The following CCDC171 variants were observed in gnomAD, a reference collection of about 807,000 sequenced individuals.
CCDC171 encodes coiled-coil domain-containing protein 171.
A neutral mutation model predicts 168.2 loss-of-function variants in CCDC171; 177 were observed. The observed-to-expected ratio is 1.05, with a 90% CI of 0.93 to 1.19. CCDC171 has a LOEUF of 1.19. CCDC171 is among the 50% of genes most tolerant of loss of function. The pLI is 0.00. For synonymous variants in CCDC171, 687 were observed against 540.8 expected, an observed-to-expected ratio of 1.27 and a Z score of -3.75; for missense variants, 1,991 against 1,539.0, an observed-to-expected ratio of 1.29 and a Z score of -4.91.
chr9:15,970,964 A>G (rs992674362), intron 25 of CCDC171, among the ~76,000 whole-genome samples: 3 of 152,174 alleles, frequency 2.0e-5, no homozygotes, highest in Admixed American at 6.6e-5. Context: ...ATCAAGAATT[A>G]CCCATGTAAC....
downstream of CCDC171, among the ~76,000 whole-genome samples, chr9:15,975,072 G>A (rs1000402080): frequency 4.6e-5 from 7 of 152,050 alleles, no homozygotes; most frequent in Admixed American, 3.3e-4. Context: ...CCCTCACTGT[G>A]CACTTTTTAT....
chr9:15,728,910 T>C (rs2053985761), intron 15 of CCDC171, among the ~76,000 whole-genome samples: 1 of 152,140 alleles, frequency 6.6e-6, no homozygotes, highest in African/African-American at 2.4e-5. Context: ...CAGGGTGATA[T>C]TTTTTATTAT....
In CCDC171 at chr9:15,594,014, G is replaced by A. The variant is rs183059289; in HGVS notation, c.544-27G>A. On this transcript the variant is annotated intron_variant, in intron 5 of 25. Transcript: ENST00000380701. ...GAAGATAACTTTTATTGATCTAACA[G>A]TAAAGCAAGATTTTATTTATATAAA... 3.0e-4 allele frequency: 462 copies of A among 1,531,370 alleles called. 1 individual carries two copies. The highest frequency in any genetic ancestry group is 5.5e-5 in the Non-Finnish European group (62 of 1,124,004). 94.9% of individuals were successfully genotyped at this position (1,531,370 alleles called of 1,614,324 possible).
At chr9:15,586,348 G>A (rs1188872764) in intron 4 of CCDC171, among the ~76,000 whole-genome samples, 1 of 152,146 alleles carries the variant, frequency 6.6e-6, no homozygotes, top group East Asian at 1.9e-4. Context: ...AGTGTAAAAA[G>A]CCTAATGCAG....
intron 3 of CCDC171, among the ~76,000 whole-genome samples, chr9:15,577,145 C>T (rs1377688459): frequency 1.3e-5 from 2 of 152,196 alleles, no homozygotes; most frequent in East Asian, 1.9e-4. Context: ...TGTAATTTTG[C>T]ATTTCCCATA....
At chr9:15,790,326 T>G (rs1195698729) in intron 21 of CCDC171, among the ~76,000 whole-genome samples, 1 of 152,242 alleles carries the variant, frequency 6.6e-6, no homozygotes, top group African/African-American at 2.4e-5. Context: ...TGGTTTTGAT[T>G]TGCATTTCTC....
At chr9:15,859,680 A>C (rs1563885849) in intron 23 of CCDC171, among the ~76,000 whole-genome samples, 1 of 139,510 alleles carries the variant, frequency 7.2e-6, no homozygotes, top group Non-Finnish European at 1.5e-5. Flanking sequence ...TTTTTGAGAC[A>C]GTGTCTTGCT....
chr9:15,898,493 T>G (rs1821195185), intron 24 of CCDC171, among the ~76,000 whole-genome samples: 1 of 152,202 alleles, frequency 6.6e-6, no homozygotes, highest in Non-Finnish European at 1.5e-5. Flanking sequence ...GGTCGTTTTA[T>G]TCAAGTATCT....
intron 24 of CCDC171, among the ~76,000 whole-genome samples, chr9:15,882,365 G>A (rs1007418977): frequency 1.3e-4 from 20 of 152,108 alleles, no homozygotes; most frequent in Non-Finnish European, 2.1e-4. Context: ...GACGATTTGC[G>A]AGTGTATTCT....
chr9:15,697,829 G>C (rs1323748458), intron 11 of CCDC171, among the ~76,000 whole-genome samples: 1 of 152,152 alleles, frequency 6.6e-6, no homozygotes, highest in Non-Finnish European at 1.5e-5. Context: ...GGTTGGGTTA[G>C]CTGTGGCAAT....
At chr9:15,932,500 G>GT (rs922532680) in intron 25 of CCDC171, among the ~76,000 whole-genome samples, 3 of 151,718 alleles carry the variant, frequency 2.0e-5, no homozygotes, top group East Asian at 1.9e-4. Context: ...ACTTGTAAAA[G>GT]TTTTTTTGGT....
At chr9:15,830,210 A>G (rs942570098) in intron 21 of CCDC171, among the ~76,000 whole-genome samples, 8 of 152,180 alleles carry the variant, frequency 5.3e-5, no homozygotes, top group African/African-American at 1.7e-4. Context: ...ATTATGAGAA[A>G]GTGTTTTTGT....
intron 11 of CCDC171, among the ~76,000 whole-genome samples, chr9:15,698,886 A>G (rs900476188): frequency 3.3e-5 from 5 of 152,202 alleles, no homozygotes; most frequent in Admixed American, 3.3e-4. Context: ...CCATTGCTAG[A>G]CACTTAGGTT....
At chr9:15,671,500 C>G (rs567324745) in intron 9 of CCDC171, among the ~76,000 whole-genome samples, 1 of 151,392 alleles carries the variant, frequency 6.6e-6, no homozygotes, top group African/African-American at 2.4e-5. Context: ...TAATGCTATC[C>G]CTCCCCCAGC....
Position 15,820,534 on chromosome 9 carries a change from C to A in CCDC171, c.3268-26168C>A, listed in dbSNP as rs190196557. 2.8e-4 allele frequency among the ~76,000 whole-genome samples: 33 copies of A among 117,594 alleles called. 11 individuals are homozygous for A. The highest frequency in any genetic ancestry group is 9.3e-4 in the African/African-American group (29 of 31,270). The allele number at this position is 117,594 out of a possible 152,430, so 77.1% of individuals were successfully genotyped here. On this transcript the variant is annotated intron_variant, in intron 21 of 25. Coordinates refer to ENST00000380701, the MANE Select transcript of CCDC171 (RefSeq NM_173550.4). ...ACCACCGATCCCACAGAAATACAAA[C>A]TACCATCAGAGACTGCTATAAACAC... is the stretch of plus-strand genomic sequence containing the variant.
chr9:15,964,524 A>G (rs1443616865), intron 25 of CCDC171, among the ~76,000 whole-genome samples: 4 of 152,126 alleles, frequency 2.6e-5, no homozygotes, highest in Admixed American at 6.5e-5. Flanking sequence ...ACTGTCTACC[A>G]TCAGTTGTGT....
chr9:16,015,445 G>A (rs1428592350), intron 3 of CCDC171, among the ~76,000 whole-genome samples: 1 of 152,066 alleles, frequency 6.6e-6, no homozygotes, highest in East Asian at 1.9e-4. Context: ...TATTTATAAA[G>A]ACTACTACTG....
chr9:15,604,312 T>A (rs2131708695), intron 6 of CCDC171, among the ~76,000 whole-genome samples: 1 of 152,312 alleles, frequency 6.6e-6, no homozygotes, highest in South Asian at 2.1e-4. Flanking sequence ...GAGTTTGTCA[T>A]GAAATCTTTG....
chr9:15,721,969 T>C, intron 12 of CCDC171, 94 bp downstream of exon 12: 1 of 499,226 alleles, frequency 2.0e-6, no homozygotes, highest in Non-Finnish European at 3.4e-6. Context: ...AGATTGGGAA[T>C]GTTGAACTGA....
Sources: gnomAD v4.1 joint callset for allele counts (sites outside exome capture counted in the v4.1 genomes callset) on GRCh38, gnomAD v4.1.1 for gene constraint, MANE v1.5 for transcripts, NCBI Gene and HGNC (gene_info 2026-07-23, HGNC 2026-07-21) for gene names.